Variants in PTPN23 observed in about 807,000 individuals in gnomAD.
PTPN23 encodes the protein protein tyrosine phosphatase non-receptor type 23.
Under a neutral mutation model 156.3 loss-of-function variants are expected in PTPN23, and 72 were observed. The observed-to-expected ratio is 0.46, with a 90% CI of 0.38 to 0.56. The LOEUF is 0.56. Among genes scored for constraint, PTPN23 ranks in the 20% least tolerant of loss-of-function variants. The pLI is 0.00. For synonymous variants in PTPN23, 957 were observed against 899.6 expected, an observed-to-expected ratio of 1.06 and a Z score of -1.14; for missense variants, 1,974 against 2,171.5, an observed-to-expected ratio of 0.91 and a Z score of 1.81.
In PTPN23 at chr3:47,412,747, G is replaced by A. The variant is rs773180028; in HGVS notation, c.4473G>A (p.Gly1491=). The change falls in exon 25 of 25, where the codon GGG becomes GGA. Residue 1491 remains glycine (G), a synonymous_variant. Transcript: ENST00000265562. ...ACTCCCAGGACCTGGTCCTCGGTGGGGATGTGCCCATCAGCTCCATCCAGG... is the reference window on the plus strand; with the variant it reads ...ACTCCCAGGACCTGGTCCTCGGTGGAGATGTGCCCATCAGCTCCATCCAGG... ...PQDSQDLVLG[G]DVPISSIQAT... 8 of 1,606,784 alleles carry A rather than the reference G, an allele frequency of 5.0e-6. No homozygotes were observed. The highest frequency in any genetic ancestry group is 1.7e-5 in the Admixed American group (1 of 59,706).
At position 47,408,463 on chromosome 3, in the gene PTPN23, G is replaced by A. The variant is rs753965402; in HGVS notation, c.1303G>A (p.Val435Ile). The A allele has an allele frequency of 3.7e-6, 6 of 1,613,960 alleles. No homozygotes were observed. Among genetic ancestry groups the A allele is most frequent in the Middle Eastern group, 1.6e-4 (1 of 6,084 alleles). ...CAALSVRPDT[V>I]RNLVQSMQVL... ...GGCTCTCAGCGTCCGGCCCGACACT[G>A]TCAGGAACCTTGTACAGTCCATGCA... Residue 435 changes from valine to isoleucine, a missense_variant, in exon 15 of 25, where the codon GTC (valine) becomes ATC (isoleucine). Around this residue, in one of 4 missense-constraint regions of PTPN23, gnomAD observed 726 missense variants for 929.5 expected, o/e 0.78. Coordinates refer to ENST00000265562, the MANE Select transcript of PTPN23 (RefSeq NM_015466.4).
At chr3:47,408,546 GCCT>G in intron 15 of PTPN23, 56 bp downstream of exon 15, 2 of 1,564,062 alleles carry the variant, frequency 1.3e-6, no homozygotes, top group Admixed American at 1.8e-5. Context: ...ATCTGCTGTG[GCCT>G]CCTCCGTGTC....
At chr3:47,397,266 G>A (rs1161679656) in intron 2 of PTPN23, among the ~76,000 whole-genome samples, 1 of 152,172 alleles carries the variant, frequency 6.6e-6, no homozygotes, top group African/African-American at 2.4e-5. Flanking sequence ...GTGACACAGA[G>A]TCATGAAATG....
chr3:47,396,107 T>C (rs1162572498), intron 1 of PTPN23, 36 bp from the exon 2 acceptor site: 1 of 1,579,192 alleles, frequency 6.3e-7, no homozygotes, highest in Non-Finnish European at 8.7e-7. Flanking sequence ...GCGGGGGTCT[T>C]CTCTGCCACT....
intron 15 of PTPN23, 119 bp from the exon 16 acceptor site, chr3:47,408,657 T>G: frequency 1.4e-6 from 2 of 1,416,846 alleles, no homozygotes; most frequent in Non-Finnish European, 1.9e-6. Flanking sequence ...CCCTGCTCAG[T>G]GTGCGCTGGG....
Position 47,406,278 on chromosome 3 carries a change from G to T in PTPN23, c.547-47G>T. On this transcript the variant is annotated intron_variant, in intron 6 of 24. Coordinates refer to ENST00000265562, the MANE Select transcript of PTPN23 (RefSeq NM_015466.4). This position sits in a 1 kb window ranked among gnomAD's most constrained non-coding sequence, Gnocchi z 5.8. ...GGGAAGGATAAAGGGAAGGGGAAGCGGGAGGCCTTGGGTGAGCGAGGGAGT... is the reference window on the plus strand; with the variant it reads ...GGGAAGGATAAAGGGAAGGGGAAGCTGGAGGCCTTGGGTGAGCGAGGGAGT... The T allele has an allele frequency of 6.2e-7, 1 of 1,602,176 alleles. No homozygotes were observed. Among genetic ancestry groups the T allele is most frequent in the Non-Finnish European group, 8.5e-7 (1 of 1,171,302 alleles).
intron 1 of PTPN23, among the ~76,000 whole-genome samples, chr3:47,394,576 T>G (rs1704841296): frequency 1.3e-5 from 2 of 152,068 alleles, no homozygotes; most frequent in Admixed American, 1.3e-4. Flanking sequence ...TGACCTGAAG[T>G]GATCCTCCCA....
At chr3:47,387,338 A>G (rs926902644) in intron 1 of PTPN23, among the ~76,000 whole-genome samples, 2 of 146,954 alleles carry the variant, frequency 1.4e-5, no homozygotes, top group Non-Finnish European at 3.0e-5. Context: ...AGGCCAAGGC[A>G]GGAGGATCAG....
At chr3:47,395,552 C>T (rs1704860829) in intron 1 of PTPN23, among the ~76,000 whole-genome samples, 1 of 152,220 alleles carries the variant, frequency 6.6e-6, no homozygotes, top group Non-Finnish European at 1.5e-5. Flanking sequence ...CCAGTGCTCT[C>T]TCTGATGTGG....
Position 47,405,047 on chromosome 3 carries a change from C to G in PTPN23, c.330C>G (p.Ile110Met), listed in dbSNP as rs1430633554. The change falls in exon 4 of 25, where the codon ATC becomes ATG. Residue 110 changes from isoleucine (I) to methionine (M), a missense_variant. Physicochemically the swap from Ile to Met is conservative, Grantham distance 10. Transcript: ENST00000265562. The surrounding 1 kb of genome is among the most constrained non-coding windows in gnomAD (Gnocchi z 4.7). ...FSGKSVAHEDIKYEQACILYN... is the reference protein window; with the variant it reads ...FSGKSVAHEDMKYEQACILYN... ...GCAAGTCTGTGGCCCATGAGGACATCAAGTACGAGCAGGCCTGTATTCTCT... is the reference window on the plus strand; with the variant it reads ...GCAAGTCTGTGGCCCATGAGGACATGAAGTACGAGCAGGCCTGTATTCTCT... 1.2e-6 allele frequency: 2 copies of G among 1,614,120 alleles called. No homozygotes were observed. The highest frequency in any genetic ancestry group is 2.7e-5 in the African/African-American group (2 of 74,940).
intron 2 of PTPN23, among the ~76,000 whole-genome samples, chr3:47,400,128 A>G (rs1443751473): frequency 6.6e-6 from 1 of 152,186 alleles, no homozygotes; most frequent in Non-Finnish European, 1.5e-5. Flanking sequence ...TGTTCCTTAT[A>G]CTTGTGAAAC....
chr3:47,406,121 G>T lies in PTPN23; in HGVS notation c.546+75G>T. The T allele has an allele frequency of 6.4e-7, 1 of 1,566,660 alleles. No homozygotes were observed. The highest frequency in any genetic ancestry group is 8.6e-7 in the Non-Finnish European group (1 of 1,156,284). On this transcript the variant is annotated intron_variant, in intron 6 of 24. Transcript: ENST00000265562. This position sits in a 1 kb window ranked among gnomAD's most constrained non-coding sequence, Gnocchi z 5.8. ...GCCAGGGAGGGGGCAGTTGGGCCTG[G>T]ATCCTGGACCAAGGCAGTGAGGGAC...
intron 3 of PTPN23, 30 bp downstream of exon 3, chr3:47,404,809 C>T (rs1705084011): frequency 1.9e-6 from 3 of 1,608,452 alleles, no homozygotes; most frequent in Non-Finnish European, 2.5e-6. Context: ...CTGGAGGATC[C>T]CACGGGGAGT....
Position 47,406,435 on chromosome 3 carries a change from C to G in PTPN23, c.627+30C>G, listed in dbSNP as rs1392306304. 1.2e-6 allele frequency: 2 copies of G among 1,613,882 alleles called. No individual in the cohort carries two copies. The highest frequency in any genetic ancestry group is 2.2e-5 in the East Asian group (1 of 44,868). On this transcript the variant is annotated intron_variant, in intron 7 of 24. Transcript: ENST00000265562. The surrounding 1 kb of genome is among the most constrained non-coding windows in gnomAD (Gnocchi z 5.8). ...GGACGGGGCTGAGGGGAGGCCTTCA[C>G]TTTACTGCTGACTCCCCCACTCATT... is the stretch of plus-strand genomic sequence containing the variant.
At chr3:47,393,424 A>G (rs1704815477) in intron 1 of PTPN23, among the ~76,000 whole-genome samples, 1 of 152,230 alleles carries the variant, frequency 6.6e-6, no homozygotes, top group South Asian at 2.1e-4. Context: ...AAGTGTTGGG[A>G]TTACAGGCAT....
Position 47,407,279 on chromosome 3 carries a change from A to G in PTPN23, c.865-30A>G. ...CCTGGTGCCAGCCTTGGTTAGTGCTAAGGCCCCACCCCTGTCCCTAACCCC... is the reference window on the plus strand; with the variant it reads ...CCTGGTGCCAGCCTTGGTTAGTGCTGAGGCCCCACCCCTGTCCCTAACCCC... On this transcript the variant is annotated intron_variant, in intron 10 of 24. Transcript: ENST00000265562. The surrounding 1 kb of genome is among the most constrained non-coding windows in gnomAD (Gnocchi z 4.0). The G allele has an allele frequency of 6.2e-7, 1 of 1,613,732 alleles. No individual in the cohort carries two copies. Among genetic ancestry groups the G allele is most frequent in the Non-Finnish European group, 8.5e-7 (1 of 1,179,812 alleles).
At chr3:47,402,871 A>T (rs1705025203) in intron 2 of PTPN23, among the ~76,000 whole-genome samples, 2 of 151,954 alleles carry the variant, frequency 1.3e-5, no homozygotes, top group South Asian at 4.2e-4. Context: ...ACACCCAGCT[A>T]ATTTTTGTAT....
At chr3:47,401,531 T>A (rs1342329402) in intron 2 of PTPN23, among the ~76,000 whole-genome samples, 1 of 152,178 alleles carries the variant, frequency 6.6e-6, no homozygotes, top group African/African-American at 2.4e-5. Context: ...CTTTTATATG[T>A]GCTATTTTAG....
At chr3:47,403,985 C>G (rs1705060647) in intron 2 of PTPN23, among the ~76,000 whole-genome samples, 1 of 152,160 alleles carries the variant, frequency 6.6e-6, no homozygotes, top group African/African-American at 2.4e-5. Flanking sequence ...AATCCCATCA[C>G]TTTGGGAGGT....
Sources: gnomAD v4.1 joint callset for allele counts (sites outside exome capture counted in the v4.1 genomes callset) on GRCh38, gnomAD v4.1.1 for gene constraint, gnomAD v4.1.1 regional missense constraint, Gnocchi (gnomAD v3.1) non-coding constraint, MANE v1.5 for transcripts, NCBI Gene and HGNC (gene_info 2026-07-23, HGNC 2026-07-21) for gene names.